The following GRIN2A variants were observed in gnomAD, a reference collection of about 807,000 sequenced individuals.
GRIN2A encodes the protein glutamate receptor ionotropic, NMDA 2A.
GRIN2A carries 22 observed loss-of-function variants against 113.4 expected under a neutral mutation model. The ratio of observed to expected loss-of-function variants is 0.19; its 90% CI spans 0.14 to 0.28. GRIN2A has a LOEUF of 0.28. Ranked by LOEUF, GRIN2A falls within the 10% of genes least tolerant of loss-of-function variation. GRIN2A has a pLI of 1.00. For synonymous variants in GRIN2A, 827 were observed against 738.4 expected, an observed-to-expected ratio of 1.12 and a Z score of -1.94; for missense variants, 1,502 against 1,887.0, an observed-to-expected ratio of 0.80 and a Z score of 3.78.
At chr16:9,967,785 ATAGT>A (rs1242477005) in intron 2 of GRIN2A, among the ~76,000 whole-genome samples, 1 of 152,052 alleles carries the variant, frequency 6.6e-6, no homozygotes, top group East Asian at 1.9e-4. Flanking sequence ...AAAGACTACA[ATAGT>A]TAGTAGTCTT....
intron 2 of GRIN2A, among the ~76,000 whole-genome samples, chr16:9,977,732 T>G (rs929334011): frequency 2.6e-5 from 4 of 152,110 alleles, no homozygotes; most frequent in African/African-American, 9.7e-5. Flanking sequence ...CATGTGTGCA[T>G]GTACTCACAT....
intron 2 of GRIN2A, among the ~76,000 whole-genome samples, chr16:10,069,637 G>A (rs573857714): frequency 6.6e-6 from 1 of 152,352 alleles, no homozygotes; most frequent in South Asian, 2.1e-4. Context: ...TTTGGCCAGG[G>A]GCCATTAGAT....
chr16:9,969,142 G>C lies in GRIN2A; in HGVS notation c.415-30591C>G, dbSNP rs541975759. On this transcript the variant is annotated intron_variant, in intron 2 of 12. Coordinates refer to ENST00000330684, the MANE Select transcript of GRIN2A (RefSeq NM_001134407.3). ...TTCAAATGCTCAGTAGACACAGGGA[G>C]TCAATGGCCATCCTGTTGCACAAAA... Among the ~76,000 whole-genome samples, 3 of 152,216 alleles carry C rather than the reference G, an allele frequency of 2.0e-5. No homozygotes were observed. In the East Asian group the frequency reaches 5.8e-4, roughly 29 times the overall value.
chr16:10,034,020 C>T (rs1019549733), intron 2 of GRIN2A, among the ~76,000 whole-genome samples: 1 of 152,124 alleles, frequency 6.6e-6, no homozygotes, highest in African/African-American at 2.4e-5. Context: ...GGCCAAACAA[C>T]CAGCAAGGAA....
At position 9,754,387 on chromosome 16, in the gene GRIN2A, G is replaced by C. The variant is rs1382743849; in HGVS notation, c.*8762C>G. ...TCACTGCTGTGTCAAGCAGTTTTCTGAATTTTCTATGAAAATGTTATTCTT... is the reference window on the plus strand; with the variant it reads ...TCACTGCTGTGTCAAGCAGTTTTCTCAATTTTCTATGAAAATGTTATTCTT... On this transcript the variant is annotated 3_prime_UTR_variant, in exon 13 of 13. Transcript: ENST00000330684. 1 of 209,618 alleles carries C rather than the reference G, an allele frequency of 4.8e-6. No individual in the cohort carries two copies. Among genetic ancestry groups the C allele is most frequent in the Non-Finnish European group, 9.7e-6 (1 of 103,116 alleles). The allele number at this position is 209,618 out of a possible 1,614,324, so 13.0% of individuals were successfully genotyped here. A position where few individuals can be genotyped will look rare whatever the true frequency, so the allele number is the denominator to read the frequency against.
chr16:10,025,619 T>A (rs1281794819), intron 2 of GRIN2A, among the ~76,000 whole-genome samples: 1 of 152,102 alleles, frequency 6.6e-6, no homozygotes, highest in East Asian at 1.9e-4. Context: ...ACCTTTGAGA[T>A]ATATTTAAGC....
At chr16:9,842,238 T>G (rs144461803) in intron 5 of GRIN2A, among the ~76,000 whole-genome samples, 1,590 of 147,844 alleles carry the variant, frequency 0.011, 25 homozygotes, top group African/African-American at 0.038. Context: ...GTGACAAGAG[T>G]GAAACTCTGT....
At chr16:9,768,763 A>C in intron 12 of GRIN2A, 88 bp downstream of exon 12, 1 of 865,308 alleles carries the variant, frequency 1.2e-6, no homozygotes, top group Non-Finnish European at 2.0e-6. Context: ...TAAGGGGAGG[A>C]AGTGCAGACC....
At chr16:9,815,796 T>C (rs2042175706) in intron 10 of GRIN2A, among the ~76,000 whole-genome samples, 2 of 152,192 alleles carry the variant, frequency 1.3e-5, no homozygotes, top group Admixed American at 1.3e-4. Context: ...AACCAAAGTC[T>C]CAAAAATATA....
chr16:9,855,606 A>C (rs896394388), intron 4 of GRIN2A, among the ~76,000 whole-genome samples: 2 of 152,178 alleles, frequency 1.3e-5, no homozygotes. Flanking sequence ...ACTCTATGTA[A>C]AATGCAAGGA....
intron 2 of GRIN2A, among the ~76,000 whole-genome samples, chr16:9,999,513 G>C (rs966767143): frequency 6.6e-6 from 1 of 152,084 alleles, no homozygotes; most frequent in African/African-American, 2.4e-5. Context: ...AACACTGCAT[G>C]TTCTCACTCA....
At position 10,065,675 on chromosome 16, in the gene GRIN2A, G is replaced by T. The variant is rs79757641; in HGVS notation, c.414+114323C>A. 2.0e-5 allele frequency among the ~76,000 whole-genome samples: 3 copies of T among 152,156 alleles called. No individual in the cohort carries two copies. In the South Asian group the frequency reaches 6.2e-4, roughly 32 times the overall value. On this transcript the variant is annotated intron_variant, in intron 2 of 12. Transcript: ENST00000330684. Reference sequence around the variant, plus strand: ...TCTAGCATAGTTCTTGACTTGTAGCGTGTGCTCAGTAGTGTTAATAATTAT... The same window carrying T: ...TCTAGCATAGTTCTTGACTTGTAGCTTGTGCTCAGTAGTGTTAATAATTAT...
intron 11 of GRIN2A, among the ~76,000 whole-genome samples, chr16:9,770,882 C>A (rs910680374): frequency 6.6e-6 from 1 of 152,152 alleles, no homozygotes; most frequent in African/African-American, 2.4e-5. Flanking sequence ...TCGGTTTTCC[C>A]TGTTAACATC....
intron 2 of GRIN2A, among the ~76,000 whole-genome samples, chr16:10,149,032 A>G (rs1274120398): frequency 1.3e-5 from 2 of 152,232 alleles, no homozygotes; most frequent in Non-Finnish European, 2.9e-5. Context: ...AGTTGAACCC[A>G]CAGACAGAGA....
At chr16:9,805,513 T>G (rs944867637) in intron 10 of GRIN2A, 1 of 152,154 alleles carries the variant, frequency 6.6e-6, no homozygotes, top group Non-Finnish European at 1.5e-5. Flanking sequence ...GAGGAACACA[T>G]TAGCACTTGA....
chr16:10,110,062 C>T (rs2142141424), intron 2 of GRIN2A, among the ~76,000 whole-genome samples: 1 of 152,044 alleles, frequency 6.6e-6, no homozygotes, highest in South Asian at 2.1e-4. Context: ...TCCCCCCACC[C>T]CACAACAGTC....
chr16:10,020,062 CTTTA>C (rs761370436), intron 2 of GRIN2A, among the ~76,000 whole-genome samples: 57 of 152,298 alleles, frequency 3.7e-4, no homozygotes, highest in Non-Finnish European at 6.2e-4. Flanking sequence ...ATACAAACCA[CTTTA>C]TTTGTCAGTT....
At chr16:10,113,819 T>A (rs1015064730) in intron 2 of GRIN2A, among the ~76,000 whole-genome samples, 1 of 152,016 alleles carries the variant, frequency 6.6e-6, no homozygotes, top group African/African-American at 2.4e-5. Context: ...CGTTATTGAG[T>A]TGAAAATAAA....
rs143085606 is a variant in GRIN2A at position 10,041,579 on chromosome 16, C to T, written c.415-103028G>A. 1.6e-3 allele frequency among the ~76,000 whole-genome samples: 239 copies of T among 152,202 alleles called. 2 individuals carry two copies. The highest frequency in any genetic ancestry group is 2.3e-3 in the Admixed American group (35 of 15,296). On this transcript the variant is annotated intron_variant, in intron 2 of 12. Transcript: ENST00000330684. ...GCCTCTTCCTAGCTACATGGTCTCA[C>T]GGGGTCATTTAATGTCTCCGGGCTT... is the stretch of plus-strand genomic sequence containing the variant.
Sources: allele counts gnomAD v4.1 joint callset (sites outside exome capture counted in the v4.1 genomes callset), GRCh38; gene constraint gnomAD v4.1.1; transcripts MANE v1.5; gene names NCBI Gene and HGNC (gene_info 2026-07-23, HGNC 2026-07-21).